The following ADCY4 variants were observed in gnomAD, a reference collection of about 807,000 sequenced individuals.
ADCY4 encodes adenylate cyclase 4.
A neutral mutation model predicts 125.5 loss-of-function variants in ADCY4; 111 were observed. That is an observed-to-expected ratio of 0.88 (90% CI 0.76 to 1.04). The LOEUF is 1.04. Among genes scored for constraint, ADCY4 ranks in the 50% least tolerant of loss-of-function variants. ADCY4 has a pLI of 0.00. For synonymous variants in ADCY4, 576 were observed against 586.9 expected, an observed-to-expected ratio of 0.98 and a Z score of 0.27; for missense variants, 1,256 against 1,382.9, an observed-to-expected ratio of 0.91 and a Z score of 1.46.
intron 18 of ADCY4, 45 bp from the exon 19 acceptor site, chr14:24,322,753 C>T: frequency 1.3e-6 from 2 of 1,598,272 alleles, no homozygotes; most frequent in South Asian, 2.2e-5. Flanking sequence ...TTCCCCCTTC[C>T]TGGCCTTCTC....
At chr14:24,326,646 T>G in intron 10 of ADCY4, 1 of 307,202 alleles carries the variant, frequency 3.3e-6, no homozygotes, top group East Asian at 6.6e-5. Flanking sequence ...CAGGCTGGAG[T>G]GCAATGGCAT....
chr14:24,320,390 T>C (rs1441131456), intron 20 of ADCY4, among the ~76,000 whole-genome samples: 1 of 152,188 alleles, frequency 6.6e-6, no homozygotes, highest in African/African-American at 2.4e-5. Flanking sequence ...ATGAGTGCCA[T>C]GAAATCCTAT....
chr14:24,323,223 C>T, intron 17 of ADCY4, 121 bp downstream of exon 17: 1 of 1,377,062 alleles, frequency 7.3e-7, no homozygotes, highest in Non-Finnish European at 1.0e-6. Flanking sequence ...CTGATACACA[C>T]TGGGTGTGAC....
rs138732125 is a variant in ADCY4 at position 24,324,364 on chromosome 14, G to A, written c.1851C>T (p.Ser617=). 29 of 1,614,192 alleles carry A rather than the reference G, an allele frequency of 1.8e-5. No individual in the cohort carries two copies. The African/African-American group carries it at 3.6e-4, about 20-fold the overall frequency. The change falls in exon 15 of 25, where the codon AGC becomes AGT. Residue 617 remains serine (S), a synonymous_variant. Coordinates refer to ENST00000418030, the MANE Select transcript of ADCY4 (RefSeq NM_001198568.2). ...TGAGGAGGAAGAGGAGGAAGGTGAT[G>A]CTATACGTGATGGCCAGAGCTGGGG... ...NRPPALAITY[S]ITFLLFLLIL... is the part of the protein sequence containing the mutation.
intron 3 of ADCY4, 157 bp downstream of exon 3, chr14:24,332,365 T>C: frequency 7.3e-6 from 6 of 818,760 alleles, no homozygotes; most frequent in Non-Finnish European, 1.1e-5. Context: ...AGGCATTGCA[T>C]CACACTGTTG....
rs534339547 is a variant in ADCY4, at chr14:24,331,675, A to G, written c.669+113T>C. On this transcript the variant is annotated intron_variant, in intron 4 of 24. Transcript: ENST00000418030. ...ATACCCACATTTTATACAAAAGAGGAAACAGGTCAAGAAACCTGCCCAGAG... is the reference window on the plus strand; with the variant it reads ...ATACCCACATTTTATACAAAAGAGGGAACAGGTCAAGAAACCTGCCCAGAG... 4.4e-6 allele frequency: 6 copies of G among 1,354,372 alleles called. No homozygotes were observed. The Admixed American group carries it at 1.8e-4, about 42-fold the overall frequency. 83.9% of individuals were successfully genotyped at this position (1,354,372 alleles called of 1,614,324 possible). A position where few individuals can be genotyped will look rare whatever the true frequency, so the allele number is the denominator to read the frequency against.
At position 24,318,768 on chromosome 14, in the gene ADCY4, A is replaced by G. The variant is rs564894633; in HGVS notation, c.2967T>C (p.His989=). The stretch of plus-strand genomic sequence containing the variant: ...CAATAACTCCAGCTACTACGGGTCC[A>G]TGGTTCAACCCTAATGAGGGATGTG... The part of the protein sequence containing the change: ...NNFRLRVGLN[H]GPVVAGVIGA... The change falls in exon 24 of 25, where the codon CAT becomes CAC. Residue 989 remains histidine (H), a synonymous_variant. Coordinates refer to ENST00000418030, the MANE Select transcript of ADCY4 (RefSeq NM_001198568.2). The G allele has an allele frequency of 6.2e-7, 1 of 1,614,110 alleles. No homozygotes were observed. Among genetic ancestry groups the G allele is most frequent in the African/African-American group, 1.3e-5 (1 of 75,000 alleles).
Position 24,329,436 on chromosome 14 carries a change from G to C in ADCY4, c.1315C>G (p.Leu439Val), listed in dbSNP as rs1349694540. 2 of 1,573,654 alleles carry C rather than the reference G, an allele frequency of 1.3e-6. No individual in the cohort carries two copies. The highest frequency in any genetic ancestry group is 2.7e-5 in the African/African-American group (2 of 73,124). The part of the protein sequence containing the change: ...MEHRDPYLRE[L>V]GEPTYLVIDP... ...ATGACCAGATAGGTAGGCTCCCCTA[G>C]CTCCCGAAGGTAGGGGTCCCGATGC... The change falls in exon 9 of 25, where the codon CTA becomes GTA. Residue 439 changes from leucine to valine, a missense_variant. Coordinates refer to ENST00000418030, the MANE Select transcript of ADCY4 (RefSeq NM_001198568.2).
intron 16 of ADCY4, among the ~76,000 whole-genome samples, 159 bp downstream of exon 16, chr14:24,323,903 A>G (rs1465117882): frequency 1.3e-5 from 2 of 152,250 alleles, no homozygotes; most frequent in African/African-American, 4.8e-5. Flanking sequence ...CAGATGGTAG[A>G]TTGCTGGAGA....
At chr14:24,329,795 G>A (rs2042011623) in intron 8 of ADCY4, 65 bp downstream of exon 8, 6 of 1,571,656 alleles carry the variant, frequency 3.8e-6, no homozygotes, top group South Asian at 2.3e-5. Context: ...ACTAATGAAA[G>A]GATGGCAGCC....
Position 24,329,953 on chromosome 14 carries a change from A to G in ADCY4, c.1124T>C (p.Leu375Pro), listed in dbSNP as rs143595170. The change falls in exon 8 of 25, where the codon CTG (leucine) becomes CCG (proline). Residue 375 changes from leucine to proline, a missense_variant. Coordinates refer to ENST00000418030, the MANE Select transcript of ADCY4 (RefSeq NM_001198568.2). ...CTTCTGCAGCCCGATGACTCCACAC[A>G]GTACGCTGCCTGAGTGCACGCCCAC... ...MRVGVHSGSV[L>P]CGVIGLQKWQ... is the part of the protein sequence containing the mutation. 2.9e-5 allele frequency: 47 copies of G among 1,614,008 alleles called. No homozygotes were observed. Among genetic ancestry groups the G allele is most frequent in the Non-Finnish European group, 4.0e-5 (47 of 1,180,012 alleles).
rs1392555599 is a variant in ADCY4 at position 24,318,481 on chromosome 14, G to A, written c.3169C>T (p.Leu1057Phe). 1 of 1,614,080 alleles carries A rather than the reference G, an allele frequency of 6.2e-7. No homozygotes were observed. Among genetic ancestry groups the A allele is most frequent in the East Asian group, 2.2e-5 (1 of 44,900 alleles). The change falls in exon 25 of 25, where the codon CTC becomes TTC. Residue 1057 changes from leucine to phenylalanine, a missense_variant. By Grantham distance (22) the Leu-to-Phe change is conservative. Coordinates refer to ENST00000418030, the MANE Select transcript of ADCY4 (RefSeq NM_001198568.2). ...TCTGTGTTCAGGAAGTAGGTGCAGAGCTGCCCTTTGCCTTTCACCTTGATG... is the reference window on the plus strand; with the variant it reads ...TCTGTGTTCAGGAAGTAGGTGCAGAACTGCCCTTTGCCTTTCACCTTGATG... ...GVIKVKGKGQLCTYFLNTDLT... is the reference protein window; with the variant it reads ...GVIKVKGKGQFCTYFLNTDLT...
chr14:24,324,525 G>C lies in ADCY4; in HGVS notation c.1824-134C>G, dbSNP rs1481831099. 123 of 994,352 alleles carry C rather than the reference G, an allele frequency of 1.2e-4. 3 individuals carry two copies. In the South Asian group the frequency reaches 1.9e-3, roughly 15 times the overall value. 61.6% of individuals were successfully genotyped at this position (994,352 alleles called of 1,614,324 possible). ...CTGGGTTGGCTGGCGATGGGGTCCC[G>C]GCTGATAGAAGACATTGCATTCTGA... On this transcript the variant is annotated intron_variant, in intron 14 of 24. Coordinates refer to ENST00000418030, the MANE Select transcript of ADCY4 (RefSeq NM_001198568.2).
At position 24,318,427 on chromosome 14, in the gene ADCY4, T is replaced by G. The variant is rs745883237; in HGVS notation, c.3223A>C (p.Thr1075Pro). ...AGGCGAGTGCAATCTCAGCCTAGGG[T>G]AGCTGAAGGAGGTCCAGTTCGTGTC... is the stretch of plus-strand genomic sequence containing the variant. The part of the protein sequence containing the change: ...DLTRTGPPSA[T>P]LG The change falls in exon 25 of 25, where the codon ACC (threonine) becomes CCC (proline). Residue 1075 changes from threonine to proline, a missense_variant. Transcript: ENST00000418030. 1.2e-6 allele frequency: 2 copies of G among 1,613,996 alleles called. No individual in the cohort carries two copies. Among genetic ancestry groups the G allele is most frequent in the East Asian group, 4.5e-5 (2 of 44,882 alleles).
rs768246797 is a variant in ADCY4, at chr14:24,324,062, C to A, written c.2046G>T (p.Leu682=). The stretch of plus-strand genomic sequence containing the variant: ...TGGATAGGGCCCCCTCTGTCCTCAC[C>A]AGGCTGGTAATGGCCATGGCAAAGA... ...LLVFAMAITS[L]FFFPTSSDCP... The change falls in exon 16 of 25, where the codon CTG becomes CTT. Residue 682 remains leucine, a splice_region_variant and synonymous_variant. Coordinates refer to ENST00000418030, the MANE Select transcript of ADCY4 (RefSeq NM_001198568.2). The A allele has an allele frequency of 4.3e-6, 7 of 1,613,998 alleles. No individual in the cohort carries two copies. Among genetic ancestry groups the A allele is most frequent in the African/African-American group, 1.3e-5 (1 of 75,064 alleles).
chr14:24,331,925 C>G lies in ADCY4; in HGVS notation c.532G>C (p.Ala178Pro). Residue 178 changes from alanine (A) to proline (P), a missense_variant, in exon 4 of 25, where the codon GCA becomes CCA. Ala to Pro is a conservative substitution (Grantham distance 27). Transcript: ENST00000418030. ...PALLPQLAANAVLFLCGNVAG... is the reference protein window; with the variant it reads ...PALLPQLAANPVLFLCGNVAG... ...ACGTTCCCGCACAGGAACAGCACTG[C>G]GTTTGCTGCCAACTGTGGGTGAAGG... 1 of 1,560,484 alleles carries G rather than the reference C, an allele frequency of 6.4e-7. No individual in the cohort carries two copies. The highest frequency in any genetic ancestry group is 8.7e-7 in the Non-Finnish European group (1 of 1,144,678).
chr14:24,323,688 C>G, intron 16 of ADCY4: 4 of 1,379,726 alleles, frequency 2.9e-6, no homozygotes, highest in Non-Finnish European at 3.8e-6. Flanking sequence ...TGAGCTCTTG[C>G]CAGCCACTTA....
rs768363042 is a variant in ADCY4 at position 24,329,459 on chromosome 14, T to C, written c.1292A>G (p.His431Arg). The change falls in exon 9 of 25, where the codon CAT becomes CGT. Residue 431 changes from histidine (H) to arginine (R), a missense_variant. Physicochemically the swap from His to Arg is conservative, Grantham distance 29 (BLOSUM62 0). Coordinates refer to ENST00000418030, the MANE Select transcript of ADCY4 (RefSeq NM_001198568.2). ...AYAVEDAGME[H>R]RDPYLRELGE... is the part of the protein sequence containing the mutation. ...TAGCTCCCGAAGGTAGGGGTCCCGA[T>C]GCTCCATGCCTGCGTCCTCCACAGC... 16 of 1,582,480 alleles carry C rather than the reference T, an allele frequency of 1.0e-5. No homozygotes were observed. In the East Asian group the frequency reaches 2.9e-4, roughly 29 times the overall value.
intron 20 of ADCY4, chr14:24,321,754 T>G: frequency 9.5e-7 from 1 of 1,054,794 alleles, no homozygotes; most frequent in Non-Finnish European, 1.2e-6. Flanking sequence ...GGTCATGGAC[T>G]AGTATCAGTC....
Sources: gnomAD v4.1 joint callset for allele counts (sites outside exome capture counted in the v4.1 genomes callset) on GRCh38, gnomAD v4.1.1 for gene constraint, MANE v1.5 for transcripts, NCBI Gene and HGNC (gene_info 2026-07-23, HGNC 2026-07-21) for gene names.